The following ROBO1 variants were observed in gnomAD, a reference collection of about 807,000 sequenced individuals.
The protein encoded by ROBO1 is roundabout guidance receptor 1.
ROBO1 carries 149 observed loss-of-function variants against 195.9 expected under a neutral mutation model. The ratio of observed to expected loss-of-function variants is 0.76; its 90% CI spans 0.67 to 0.87. ROBO1 has a LOEUF of 0.87. Ranked by LOEUF, ROBO1 falls within the 40% of genes least tolerant of loss-of-function variation. The pLI is 0.00. For missense variants in ROBO1, 1,933 were observed against 2,068.3 expected (o/e 0.93, Z 1.27); for synonymous variants, 816 against 733.2 (o/e 1.11, Z -1.82).
chr3:79,754,950 G>A (rs1357508346), intron 1 of ROBO1, among the ~76,000 whole-genome samples: 2 of 152,094 alleles, frequency 1.3e-5, no homozygotes, highest in Non-Finnish European at 2.9e-5. Context: ...GTGTGATATC[G>A]GCTCACTGCA....
intron 2 of ROBO1, among the ~76,000 whole-genome samples, chr3:79,167,217 C>A (rs1252883114): frequency 7.0e-6 from 1 of 143,056 alleles, no homozygotes; most frequent in East Asian, 1.9e-4. Context: ...TCATCCAGAG[C>A]ATCTAAACTC....
rs139386235 is a variant in ROBO1, at chr3:78,921,565, G to A, written c.499+17036C>T. On this transcript the variant is annotated intron_variant, in intron 4 of 30. Coordinates refer to ENST00000464233, the MANE Select transcript of ROBO1 (RefSeq NM_002941.4). ...CCTCTGAAATAATACGATTTTGTTC[G>A]CAATATAAGCTCACCTTATTTTAGG... Among the ~76,000 whole-genome samples, 604 of 152,190 alleles carry A rather than the reference G, an allele frequency of 4.0e-3. 14 individuals are homozygous for A. Among genetic ancestry groups the A allele is most frequent in the African/African-American group, 0.012 (518 of 41,522 alleles).
intron 2 of ROBO1, among the ~76,000 whole-genome samples, chr3:79,250,273 A>G (rs1476133502): frequency 6.6e-6 from 1 of 152,222 alleles, no homozygotes; most frequent in East Asian, 1.9e-4. Context: ...ATATAATTAT[A>G]TATTCATTTC....
chr3:79,450,449 C>T (rs576004710), intron 2 of ROBO1, among the ~76,000 whole-genome samples: 1 of 151,950 alleles, frequency 6.6e-6, no homozygotes, highest in East Asian at 1.9e-4. Flanking sequence ...CTGAATATAT[C>T]CAGTCTGAAT....
intron 2 of ROBO1, among the ~76,000 whole-genome samples, chr3:79,182,965 C>T (rs2081371021): frequency 6.6e-6 from 1 of 151,378 alleles, no homozygotes; most frequent in African/African-American, 2.4e-5. Flanking sequence ...CCTGTAGTCC[C>T]AGCTACTCGG....
At chr3:78,966,579 A>G (rs2076650040) in intron 3 of ROBO1, among the ~76,000 whole-genome samples, 1 of 152,202 alleles carries the variant, frequency 6.6e-6, no homozygotes, top group African/African-American at 2.4e-5. Flanking sequence ...TTTCGCTTAC[A>G]ATCCAAAGTT....
intron 2 of ROBO1, among the ~76,000 whole-genome samples, chr3:79,409,096 G>A (rs558152413): frequency 1.6e-4 from 25 of 152,138 alleles, no homozygotes; most frequent in African/African-American, 6.0e-4. Context: ...GAATAAACAT[G>A]AGAATAAATT....
intron 15 of ROBO1, 70 bp downstream of exon 15, chr3:78,661,915 GATAGTTAC>G (rs1707427784): frequency 3.8e-5 from 56 of 1,464,092 alleles, no homozygotes; most frequent in Non-Finnish European, 4.8e-5. Context: ...GTAGGCAACA[GATAGTTAC>G]ATTTTATATG....
intron 4 of ROBO1, among the ~76,000 whole-genome samples, chr3:78,807,870 C>G (rs1219940316): frequency 1.3e-5 from 2 of 151,666 alleles, no homozygotes; most frequent in Non-Finnish European, 2.9e-5. Context: ...TACTACCAAA[C>G]AAAAATAAGC....
chr3:79,743,630 C>T (rs1703742965), intron 1 of ROBO1, among the ~76,000 whole-genome samples: 1 of 152,172 alleles, frequency 6.6e-6, no homozygotes, highest in African/African-American at 2.4e-5. Context: ...ATATTTTACT[C>T]TTTTGTAACA....
chr3:79,314,343 G>A (rs1243958723), intron 2 of ROBO1, among the ~76,000 whole-genome samples: 5 of 152,134 alleles, frequency 3.3e-5, no homozygotes, highest in Admixed American at 3.3e-4. Context: ...GAGACCCGGT[G>A]GGAGGTCATT....
chr3:78,686,016 T>A, intron 9 of ROBO1, 99 bp from the exon 10 acceptor site: 1 of 1,005,850 alleles, frequency 9.9e-7, no homozygotes, highest in Non-Finnish European at 1.4e-6. Flanking sequence ...AACATACATA[T>A]AAAAGTATTC....
chr3:79,409,274 G>C (rs1442620517), intron 2 of ROBO1, among the ~76,000 whole-genome samples: 1 of 151,914 alleles, frequency 6.6e-6, no homozygotes, highest in African/African-American at 2.4e-5. Context: ...ACAAAAAAAA[G>C]ATTTATAAAG....
chr3:78,785,381 T>C (rs1055386743), intron 4 of ROBO1, among the ~76,000 whole-genome samples: 1 of 152,224 alleles, frequency 6.6e-6, no homozygotes, highest in Non-Finnish European at 1.5e-5. Context: ...GTCAGGCTCC[T>C]AGCTCTCAAC....
chr3:79,183,904 A>T (rs1447230682), intron 2 of ROBO1, among the ~76,000 whole-genome samples: 1 of 152,254 alleles, frequency 6.6e-6, no homozygotes, highest in African/African-American at 2.4e-5. Context: ...ACTTAAGAAG[A>T]ACAAGGGAAG....
Position 79,048,636 on chromosome 3 carries a change from G to A in ROBO1, c.172+76820C>T, listed in dbSNP as rs978409040. 5.3e-5 allele frequency among the ~76,000 whole-genome samples: 8 copies of A among 152,220 alleles called. No homozygotes were observed. The East Asian group carries it at 5.8e-4, about 11-fold the overall frequency. On this transcript the variant is annotated intron_variant, in intron 3 of 30. Transcript: ENST00000464233. ...ATTCACTCTTTCGTATGAATAAAGTGTGCATTCCTCTCTCCTCATAGCTCC... is the reference window on the plus strand; with the variant it reads ...ATTCACTCTTTCGTATGAATAAAGTATGCATTCCTCTCTCCTCATAGCTCC...
chr3:79,028,041 A>G (rs1386741558), intron 3 of ROBO1, among the ~76,000 whole-genome samples: 1 of 152,060 alleles, frequency 6.6e-6, no homozygotes, highest in Non-Finnish European at 1.5e-5. Flanking sequence ...CCAGTTTAGC[A>G]TGTTAATTCT....
At chr3:79,545,426 G>A (rs1165977793) in intron 2 of ROBO1, among the ~76,000 whole-genome samples, 2 of 152,082 alleles carry the variant, frequency 1.3e-5, no homozygotes, top group Admixed American at 6.5e-5. Flanking sequence ...CCTGCATTTC[G>A]ACATGACCAT....
intron 3 of ROBO1, among the ~76,000 whole-genome samples, chr3:79,080,589 G>C (rs1274260223): frequency 1.3e-5 from 2 of 151,958 alleles, no homozygotes; most frequent in African/African-American, 2.4e-5. Flanking sequence ...AAATGGACAA[G>C]ATATATGAAA....
Sources: gnomAD v4.1 joint callset for allele counts (sites outside exome capture counted in the v4.1 genomes callset) on GRCh38, gnomAD v4.1.1 for gene constraint, MANE v1.5 for transcripts, NCBI Gene and HGNC (gene_info 2026-07-23, HGNC 2026-07-21) for gene names.